Variants in NR1H4 observed in about 807,000 individuals in gnomAD.
The protein encoded by NR1H4 is bile acid receptor.
In NR1H4, 23 loss-of-function variants were observed where a neutral mutation model predicts 58.5. That is an observed-to-expected ratio of 0.39 (90% CI 0.28 to 0.56). The LOEUF (loss-of-function observed/expected upper bound fraction) is 0.56, where lower values mean the gene tolerates loss of function less well. Among genes scored for constraint, NR1H4 ranks in the 20% least tolerant of loss-of-function variants. The probability of loss-of-function intolerance (pLI) is 0.58; values close to 1 mark genes in which losing one functional copy is unlikely to be tolerated. For synonymous variants in NR1H4, 214 were observed against 198.0 expected, an observed-to-expected ratio of 1.08 and a Z score of -0.68; for missense variants, 487 against 576.9, an observed-to-expected ratio of 0.84 and a Z score of 1.60.
chr12:100,554,392 A>ACACAC (rs1955276110), intron 9 of NR1H4, among the ~76,000 whole-genome samples: 2 of 148,104 alleles, frequency 1.4e-5, no homozygotes, highest in South Asian at 2.2e-4. Context: ...ACTTGTAAAT[A>ACACAC]ACACACACAC....
At chr12:100,561,385 G>A (rs1226865611) in intron 9 of NR1H4, among the ~76,000 whole-genome samples, 2 of 151,908 alleles carry the variant, frequency 1.3e-5, no homozygotes, top group Non-Finnish European at 2.9e-5. Flanking sequence ...GTGACAGAGC[G>A]AGACTCCATC....
chr12:100,536,389 G>T (rs1353440950), intron 6 of NR1H4, 123 bp from the exon 7 acceptor site: 9 of 662,176 alleles, frequency 1.4e-5, no homozygotes, highest in Non-Finnish European at 2.5e-5. Context: ...CATAGTTCCT[G>T]CTGTATTTAT....
At chr12:100,543,390 A>C (rs1195035389) in intron 9 of NR1H4, among the ~76,000 whole-genome samples, 1 of 152,162 alleles carries the variant, frequency 6.6e-6, no homozygotes, top group East Asian at 1.9e-4. Context: ...TGTTAGGGTA[A>C]GCCAGAACAG....
chr12:100,477,262 G>A (rs1953290539), intron 1 of NR1H4, among the ~76,000 whole-genome samples: 2 of 151,790 alleles, frequency 1.3e-5, no homozygotes, highest in Admixed American at 1.3e-4. Context: ...AAGTAAAATT[G>A]CAAATATTGC....
intron 3 of NR1H4, among the ~76,000 whole-genome samples, chr12:100,499,171 G>A (rs1354419917): frequency 6.6e-6 from 1 of 152,186 alleles, no homozygotes; most frequent in African/African-American, 2.4e-5. Context: ...GTTTTAAAAT[G>A]CAATTAAAGG....
chr12:100,506,415 T>C (rs1182615833), intron 3 of NR1H4, among the ~76,000 whole-genome samples: 1 of 152,210 alleles, frequency 6.6e-6, no homozygotes, highest in Non-Finnish European at 1.5e-5. Context: ...GGTTCTTTGG[T>C]TGTAAAGTTC....
chr12:100,562,662 T>C (rs552025237), intron 10 of NR1H4, among the ~76,000 whole-genome samples: 1 of 152,216 alleles, frequency 6.6e-6, no homozygotes, highest in Non-Finnish European at 1.5e-5. Flanking sequence ...GTTTTTTTGA[T>C]GTTGAAAATG....
intron 1 of NR1H4, among the ~76,000 whole-genome samples, chr12:100,492,189 G>A (rs1953619357): frequency 6.6e-6 from 1 of 152,146 alleles, no homozygotes; most frequent in Non-Finnish European, 1.5e-5. Context: ...GTTTCTGGTG[G>A]ACGACTTTCC....
chr12:100,527,589 C>T (rs1043577792), intron 4 of NR1H4, among the ~76,000 whole-genome samples: 1 of 152,108 alleles, frequency 6.6e-6, no homozygotes, highest in Non-Finnish European at 1.5e-5. Flanking sequence ...CACATCTAAA[C>T]TCTACCATTT....
intron 4 of NR1H4, among the ~76,000 whole-genome samples, chr12:100,513,121 C>G (rs555021765): frequency 6.6e-6 from 1 of 152,160 alleles, no homozygotes; most frequent in Non-Finnish European, 1.5e-5. Context: ...AGAGTCACGT[C>G]TGAATAGGTA....
chr12:100,485,197 G>A (rs181279959), intron 1 of NR1H4, among the ~76,000 whole-genome samples: 1 of 152,276 alleles, frequency 6.6e-6, no homozygotes, highest in Admixed American at 6.5e-5. Flanking sequence ...AGGATCACAA[G>A]CTTTTTCTAC....
At chr12:100,536,392 G>A (rs951330830) in intron 6 of NR1H4, 120 bp from the exon 7 acceptor site, 2 of 671,154 alleles carry the variant, frequency 3.0e-6, no homozygotes, top group African/African-American at 1.9e-5. Context: ...AGTTCCTGCT[G>A]TATTTATGCC....
chr12:100,561,953 CAA>C lies in NR1H4; in HGVS notation c.1148_1149del (p.Gln383ArgfsTer16). The stretch of plus-strand genomic sequence containing the variant: ...AAGTATTGGGGAACTGAAAATGACT[CAA>C]GAGGAGTATGCTCTGCTTACAGCAA... ...YKSIGELKMT[Q>X]EEYALLTAIV... On this transcript the variant is annotated frameshift_variant, in exon 10 of 11. Coordinates refer to ENST00000392986, the MANE Select transcript of NR1H4 (RefSeq NM_001206979.2). LOFTEE classifies it high-confidence loss of function. 6.4e-7 allele frequency: 1 copy of C among 1,572,436 alleles called. No homozygotes were observed. The highest frequency in any genetic ancestry group is 8.8e-7 in the Non-Finnish European group (1 of 1,142,476).
chr12:100,505,585 AC>A (rs1953940485), intron 3 of NR1H4: 2 of 700,754 alleles, frequency 2.9e-6, no homozygotes, highest in East Asian at 5.4e-5. Flanking sequence ...GGCTTCTCAG[AC>A]TCCCCTGGAG....
intron 3 of NR1H4, among the ~76,000 whole-genome samples, chr12:100,507,971 A>G (rs1954008785): frequency 6.6e-6 from 1 of 152,060 alleles, no homozygotes; most frequent in South Asian, 2.1e-4. Context: ...ACTTATGGAG[A>G]CTTTTAGATA....
At chr12:100,545,751 G>A (rs1207432916) in intron 9 of NR1H4, among the ~76,000 whole-genome samples, 3 of 150,610 alleles carry the variant, frequency 2.0e-5, no homozygotes, top group Non-Finnish European at 4.4e-5. Flanking sequence ...CCTACTGTGT[G>A]TCAGGCTGTA....
chr12:100,481,873 C>G (rs1031436462), intron 1 of NR1H4, among the ~76,000 whole-genome samples: 3 of 151,900 alleles, frequency 2.0e-5, no homozygotes, highest in African/African-American at 7.3e-5. Context: ...GAGATGGCAC[C>G]ACTGCACTCC....
At chr12:100,509,908 C>T (rs533741114) in intron 3 of NR1H4, among the ~76,000 whole-genome samples, 35 of 146,044 alleles carry the variant, frequency 2.4e-4, no homozygotes, top group Admixed American at 5.3e-4. Flanking sequence ...CACGTGGGCA[C>T]GTGCGCGCAC....
At chr12:100,488,276 A>G (rs942075714) in intron 1 of NR1H4, among the ~76,000 whole-genome samples, 2 of 152,218 alleles carry the variant, frequency 1.3e-5, no homozygotes, top group African/African-American at 4.8e-5. Context: ...CTGGGATTAC[A>G]GGCGTGAGCC....
Sources: allele counts gnomAD v4.1 joint callset (sites outside exome capture counted in the v4.1 genomes callset), GRCh38; gene constraint gnomAD v4.1.1; transcripts MANE v1.5; gene names NCBI Gene and HGNC (gene_info 2026-07-23, HGNC 2026-07-21).